The following RLF variants were observed in gnomAD, a reference collection of about 807,000 sequenced individuals.
RLF encodes the protein zinc finger protein Rlf.
RLF carries 7 observed loss-of-function variants against 162.9 expected under a neutral mutation model. The ratio of observed to expected loss-of-function variants is 0.04; its 90% confidence interval spans 0.02 to 0.08. The LOEUF (loss-of-function observed/expected upper bound fraction) is 0.08. Among genes scored for constraint, RLF ranks in the 10% least tolerant of loss-of-function variants. RLF has a pLI of 1.00. For missense variants in RLF, 1,664 were observed against 2,244.7 expected (o/e 0.74, Z 5.23); for synonymous variants, 782 against 791.5 (o/e 0.99, Z 0.20).
intron 7 of RLF, 136 bp downstream of exon 7, chr1:40,231,794 C>A: frequency 1.4e-6 from 1 of 722,346 alleles, no homozygotes; most frequent in South Asian, 2.4e-5. Flanking sequence ...TTGACCACAT[C>A]TGACTGTTTC....
chr1:40,234,413 T>C (rs1643192558), intron 7 of RLF, among the ~76,000 whole-genome samples: 1 of 152,230 alleles, frequency 6.6e-6, no homozygotes, highest in South Asian at 2.1e-4. Flanking sequence ...TGTAAATCAA[T>C]GACAGTGATT....
chr1:40,202,340 A>C, intron 4 of RLF, 72 bp from the exon 5 acceptor site: 1 of 975,714 alleles, frequency 1.0e-6, no homozygotes, highest in Non-Finnish European at 1.5e-6. Context: ...AAAGATCTCA[A>C]ACTTTCATCT....
intron 1 of RLF, among the ~76,000 whole-genome samples, chr1:40,174,650 A>G (rs560204725): frequency 2.6e-5 from 4 of 152,346 alleles, no homozygotes; most frequent in African/African-American, 9.6e-5. Context: ...CCATACCTAT[A>G]TATTGTATAA....
intron 1 of RLF, among the ~76,000 whole-genome samples, chr1:40,176,977 CT>C (rs1410838270): frequency 5.3e-5 from 8 of 151,190 alleles, no homozygotes; most frequent in African/African-American, 1.5e-4. Flanking sequence ...TTATTTATTT[CT>C]TTTTTTAATT....
At chr1:40,182,131 G>A (rs61780424) in intron 1 of RLF, among the ~76,000 whole-genome samples, 7,930 of 151,918 alleles carry the variant, frequency 0.052, 607 homozygotes, top group African/African-American at 0.17. Context: ...TTCGGTTTAG[G>A]CATTTAAAAA....
In RLF at chr1:40,235,105, A is replaced by G. The variant is rs376293489; in HGVS notation, c.1090-687A>G. On this transcript the variant is annotated intron_variant, in intron 7 of 7. Transcript: ENST00000372771. ...AGACGGAGTTTTGCTCTTGTTGCCC[A>G]GGCTGGAGTGCAATGGTGTGATCTT... Among the ~76,000 whole-genome samples, 13 of 121,204 alleles carry G rather than the reference A, an allele frequency of 1.1e-4. No individual in the cohort carries two copies. In the East Asian group the frequency reaches 2.0e-3, roughly 18 times the overall value. 79.5% of individuals were successfully genotyped at this position (121,204 alleles called of 152,430 possible). A position where few individuals can be genotyped will look rare whatever the true frequency, so the allele number is the denominator to read the frequency against.
Position 40,161,807 on chromosome 1 carries a change from G to A in RLF, c.237+171G>A, listed in dbSNP as rs1231267069. Among the ~76,000 whole-genome samples, 2 of 152,192 alleles carry A rather than the reference G, an allele frequency of 1.3e-5. No homozygotes were observed. Among genetic ancestry groups the A allele is most frequent in the Non-Finnish European group, 2.9e-5 (2 of 68,030 alleles). ...GAAGCTCGACCGCTGGCCCCCCTGC[G>A]CCACTGCCCGACTTTGGCCACCGCT... On this transcript the variant is annotated intron_variant, in intron 1 of 7. Transcript: ENST00000372771. This position sits in a 1 kb window ranked among gnomAD's most constrained non-coding sequence, Gnocchi z 4.4.
intron 6 of RLF, among the ~76,000 whole-genome samples, chr1:40,230,591 C>G (rs1643140604): frequency 6.6e-6 from 1 of 152,116 alleles, no homozygotes; most frequent in Non-Finnish European, 1.5e-5. Flanking sequence ...CACCACCACA[C>G]TCAGCTAAGT....
intron 5 of RLF, among the ~76,000 whole-genome samples, chr1:40,218,566 A>C (rs922022174): frequency 6.6e-6 from 1 of 151,966 alleles, no homozygotes; most frequent in African/African-American, 2.4e-5. Context: ...AATTACTCTC[A>C]CGTTAATTAG....
chr1:40,207,136 G>A (rs1642807719), intron 5 of RLF, among the ~76,000 whole-genome samples: 1 of 152,198 alleles, frequency 6.6e-6, no homozygotes, highest in African/African-American at 2.4e-5. Context: ...CGGAAGGACA[G>A]GAACATAGGT....
chr1:40,194,409 C>G (rs1284811283), intron 3 of RLF, among the ~76,000 whole-genome samples: 1 of 152,006 alleles, frequency 6.6e-6, no homozygotes, highest in African/African-American at 2.4e-5. Context: ...GAGGCTGAGG[C>G]AGGTGGATCA....
chr1:40,201,222 A>G (rs1290467222), intron 4 of RLF, among the ~76,000 whole-genome samples: 2 of 151,492 alleles, frequency 1.3e-5, no homozygotes, highest in Non-Finnish European at 2.9e-5. Context: ...TAACCACCTA[A>G]AGCAGTTTGT....
chr1:40,161,648 A>ACTGGCTGG lies in RLF; in HGVS notation c.237+16_237+23dup. On this transcript the variant is annotated intron_variant, in intron 1 of 7. Coordinates refer to ENST00000372771, the MANE Select transcript of RLF (RefSeq NM_012421.4). This position sits in a 1 kb window ranked among gnomAD's most constrained non-coding sequence, Gnocchi z 4.4. ...GGAGCTTCTGCCAGGTGAGGGGCTG[A>ACTGGCTGG]CTGGCTGGCTGAGGGCGGCGGGGCG... The ACTGGCTGG allele has an allele frequency of 6.2e-7, 1 of 1,608,462 alleles. No homozygotes were observed. Among genetic ancestry groups the ACTGGCTGG allele is most frequent in the South Asian group, 1.1e-5 (1 of 90,402 alleles).
intron 4 of RLF, 23 bp downstream of exon 4, chr1:40,195,787 A>G (rs1642627592): frequency 1.3e-6 from 2 of 1,598,434 alleles, no homozygotes; most frequent in Non-Finnish European, 1.7e-6. Context: ...ACTATATTGG[A>G]TGAGGATTTA....
chr1:40,199,081 ATC>A (rs1306646967), intron 4 of RLF, among the ~76,000 whole-genome samples: 1 of 152,244 alleles, frequency 6.6e-6, no homozygotes, highest in African/African-American at 2.4e-5. Context: ...GTGCTTTCAT[ATC>A]TCATGTAATC....
At chr1:40,185,810 CA>C (rs1642469854) in intron 1 of RLF, among the ~76,000 whole-genome samples, 1 of 104,272 alleles carries the variant, frequency 9.6e-6, no homozygotes, top group African/African-American at 3.9e-5. Flanking sequence ...CCTGGGCTGA[CA>C]GAGTGAGACT....
At chr1:40,214,818 G>T (rs1254998926) in intron 5 of RLF, among the ~76,000 whole-genome samples, 1 of 146,664 alleles carries the variant, frequency 6.8e-6, no homozygotes, top group Non-Finnish European at 1.5e-5. Context: ...AGCTATTCAT[G>T]AGACTGAGGT....
chr1:40,221,628 C>T lies in RLF; in HGVS notation c.811-946C>T, dbSNP rs576342142. Among the ~76,000 whole-genome samples, 19 of 151,000 alleles carry T rather than the reference C, an allele frequency of 1.3e-4. No homozygotes were observed. The South Asian group carries it at 1.9e-3, about 15-fold the overall frequency. On this transcript the variant is annotated intron_variant, in intron 5 of 7. Transcript: ENST00000372771. ...ATGCAAAAAAAAAAAAGGCCGGGCACGGTGGCTCACGACTGTAATCCCAGC... is the reference window on the plus strand; with the variant it reads ...ATGCAAAAAAAAAAAAGGCCGGGCATGGTGGCTCACGACTGTAATCCCAGC...
In RLF at chr1:40,240,179, A is replaced by T. The variant is rs750904765; in HGVS notation, c.5477A>T (p.Asp1826Val). 2.3e-5 allele frequency: 37 copies of T among 1,614,074 alleles called. No individual in the cohort carries two copies. In the South Asian group the frequency reaches 4.1e-4, roughly 18 times the overall value. The change falls in exon 8 of 8, where the codon GAC (aspartate) becomes GTC (valine). Residue 1826 changes from aspartate (D) to valine (V), a missense_variant. Transcript: ENST00000372771. ...NMVNDSEPEV[D>V]IPHSSSDSTI... ...GTGAATGACAGTGAACCTGAAGTTG[A>T]CATACCTCATTCTTCCAGTGACTCT...
Sources: gnomAD v4.1 joint callset for allele counts (sites outside exome capture counted in the v4.1 genomes callset) on GRCh38, gnomAD v4.1.1 for gene constraint, Gnocchi (gnomAD v3.1) non-coding constraint, MANE v1.5 for transcripts, NCBI Gene and HGNC (gene_info 2026-07-23, HGNC 2026-07-21) for gene names.